The following GGN variants were observed in gnomAD, a reference collection of about 807,000 sequenced individuals.
GGN encodes the protein gametogenetin.
GGN carries 27 observed loss-of-function variants against 35.5 expected under a neutral mutation model. The ratio of observed to expected loss-of-function variants is 0.76; its 90% confidence interval spans 0.56 to 1.05. The LOEUF (loss-of-function observed/expected upper bound fraction) is 1.05. Ranked by LOEUF, GGN falls within the 50% of genes least tolerant of loss-of-function variation. GGN has a pLI of 0.00. For missense variants in GGN, 1,006 were observed against 940.7 expected, an observed-to-expected ratio of 1.07 and a Z score of -0.91; for synonymous variants, 425 against 444.1, an observed-to-expected ratio of 0.96 and a Z score of 0.54.
chr19:38,386,117 G>A lies in GGN; in HGVS notation c.1145C>T (p.Ala382Val), dbSNP rs1391791427. The change falls in exon 3 of 4, where the codon GCA becomes GTA. Residue 382 changes from alanine to valine, a missense_variant. Physicochemically the swap from Ala to Val is moderately conservative, Grantham distance 64. Coordinates refer to ENST00000334928, the MANE Select transcript of GGN (RefSeq NM_152657.4). ...GIGAPRRRAAALSGPWGSPPP... is the reference protein window; with the variant it reads ...GIGAPRRRAAVLSGPWGSPPP... ...AGGGGAGCCCCAAGGCCCAGAGAGT[G>A]CGGCCGCACGCCGTCGCGGCGCCCC... 1 of 1,582,326 alleles carries A rather than the reference G, an allele frequency of 6.3e-7. No individual in the cohort carries two copies.
At chr19:38,388,356 C>T (rs527985958), upstream of GGN, 9 of 396,994 alleles carry the variant, frequency 2.3e-5, 1 homozygote, top group Non-Finnish European at 4.0e-5. Context: ...CCAACCCCAC[C>T]CACTTGTGAA....
At chr19:38,384,681 A>C in intron 3 of GGN, 152 bp from the exon 4 acceptor site, 1 of 617,094 alleles carries the variant, frequency 1.6e-6, no homozygotes, top group Non-Finnish European at 2.9e-6. Context: ...GTGGCCACTT[A>C]ATAGGAAAGG....
In GGN at chr19:38,387,315, G is replaced by A; in HGVS notation, c.-19-35C>T. On this transcript the variant is annotated intron_variant, in intron 2 of 3. Transcript: ENST00000334928. This position sits in a 1 kb window ranked among gnomAD's most constrained non-coding sequence, Gnocchi z 5.3. Reference sequence around the variant, plus strand: ...AAAATTTACTCCAGTCAGCCTGCCAGGGCCGTGGGGACCCTACGAGGCTGG... The same window carrying A: ...AAAATTTACTCCAGTCAGCCTGCCAAGGCCGTGGGGACCCTACGAGGCTGG... The A allele has an allele frequency of 6.6e-7, 1 of 1,512,604 alleles. No individual in the cohort carries two copies. The highest frequency in any genetic ancestry group is 8.8e-7 in the Non-Finnish European group (1 of 1,133,216). The allele number at this position is 1,512,604 out of a possible 1,614,324, so 93.7% of individuals were successfully genotyped here. A position where few individuals can be genotyped will look rare whatever the true frequency, so the allele number is the denominator to read the frequency against.
chr19:38,386,726 G>C lies in GGN; in HGVS notation c.536C>G (p.Ser179Cys). 6.2e-7 allele frequency: 1 copy of C among 1,608,692 alleles called. No individual in the cohort carries two copies. ...TCTGCGGTCCGCCGGCTGCCGTTCA[G>C]AAGGTAATGGTGGTGGCGGCTTCCA... Reference protein sequence around the residue: ...ETWKPPPPLPSERQPADRRIT... With the variant: ...ETWKPPPPLPCERQPADRRIT... The change falls in exon 3 of 4, where the codon TCT becomes TGT. Residue 179 changes from serine to cysteine, a missense_variant. Physicochemically the swap from Ser to Cys is moderately radical, Grantham distance 112. Transcript: ENST00000334928.
Position 38,388,003 on chromosome 19 carries a change from T to TCTTGTTCCTCGCCCCCAGGC in GGN, c.-130_-111dup, listed in dbSNP as rs1260985387. The TCTTGTTCCTCGCCCCCAGGC allele has an allele frequency of 1.3e-5, 2 of 154,368 alleles. No individual in the cohort carries two copies. Among genetic ancestry groups the TCTTGTTCCTCGCCCCCAGGC allele is most frequent in the Non-Finnish European group, 2.9e-5 (2 of 68,508 alleles). The allele number at this position is 154,368 out of a possible 1,614,324, so 9.6% of individuals were successfully genotyped here. On this transcript the variant is annotated 5_prime_UTR_variant, in exon 1 of 4. Transcript: ENST00000334928. ...GGTCTCCCCTTGAAATACTCCGAGGTCTTGTTCCTCGCCCCCAGGCCTTCT... is the reference window on the plus strand; with the variant it reads ...GGTCTCCCCTTGAAATACTCCGAGGTCTTGTTCCTCGCCCCCAGGCCTTGTTCCTCGCCCCCAGGCCTTCT...
In GGN at chr19:38,386,587, G is replaced by GC; in HGVS notation, c.674dup (p.Glu226ArgfsTer19). 1 of 1,613,348 alleles carries GC rather than the reference G, an allele frequency of 6.2e-7. No individual in the cohort carries two copies. Among genetic ancestry groups the GC allele is most frequent in the Non-Finnish European group, 8.5e-7 (1 of 1,179,782 alleles). Reference sequence around the variant, plus strand: ...CCGCAGGCTGGGCCATTTCGCCTTCGCCCGCATGGGGAGGCGCCCCTCCGC... The same window carrying GC: ...CCGCAGGCTGGGCCATTTCGCCTTCGCCCCGCATGGGGAGGCGCCCCTCCGC... On this transcript the variant is annotated frameshift_variant, in exon 3 of 4. Transcript: ENST00000334928. LOFTEE classifies it high-confidence loss of function.
rs1970708661 is a variant in GGN at position 38,385,925 on chromosome 19, GGCGGTGTGGGCGGTGGCA to G, written c.1319_1336del (p.Leu440_Pro445del). ...GAGCGCTGGTGGCTGCAGTGTGGGC[GGCGGTGTGGGCGGTGGCA>G]GCGGTGGTAACTCCTGCAGGCCTGG... On this transcript the variant is annotated inframe_deletion, in exon 3 of 4. Transcript: ENST00000334928. 7 of 1,576,712 alleles carry G rather than the reference GGCGGTGTGGGCGGTGGCA, an allele frequency of 4.4e-6. No homozygotes were observed. Among genetic ancestry groups the G allele is most frequent in the Non-Finnish European group, 4.3e-6 (5 of 1,162,892 alleles).
At position 38,386,793 on chromosome 19, in the gene GGN, C is replaced by T; in HGVS notation, c.469G>A (p.Val157Ile). ...GGAAATTGGGATGGGGCCCTCGGGACAGTGTCCTTCACGGATAGTTGCCGG... is the reference window on the plus strand; with the variant it reads ...GGAAATTGGGATGGGGCCCTCGGGATAGTGTCCTTCACGGATAGTTGCCGG... Reference protein sequence around the residue: ...PPRQLSVKDTVPRAPSQFPPP... With the variant: ...PPRQLSVKDTIPRAPSQFPPP... The change falls in exon 3 of 4, where the codon GTC (valine) becomes ATC (isoleucine). Residue 157 changes from valine to isoleucine, a missense_variant. Coordinates refer to ENST00000334928, the MANE Select transcript of GGN (RefSeq NM_152657.4). 3.1e-6 allele frequency: 5 copies of T among 1,610,732 alleles called. No individual in the cohort carries two copies. The highest frequency in any genetic ancestry group is 4.2e-6 in the Non-Finnish European group (5 of 1,177,958).
chr19:38,387,505 A>G lies in GGN; in HGVS notation c.-19-225T>C, dbSNP rs997556451. Among the ~76,000 whole-genome samples the G allele has an allele frequency of 1.3e-5, 2 of 151,962 alleles. No individual in the cohort carries two copies. The highest frequency in any genetic ancestry group is 4.8e-5 in the African/African-American group (2 of 41,344). On this transcript the variant is annotated intron_variant, in intron 2 of 3. Coordinates refer to ENST00000334928, the MANE Select transcript of GGN (RefSeq NM_152657.4). The surrounding 1 kb of genome is among the most constrained non-coding windows in gnomAD (Gnocchi z 5.3). Reference sequence around the variant, plus strand: ...GTTAAGATACTTCACTACCAGCCCCATTATGTACTAAGGTTCCATGCCTGT... The same window carrying G: ...GTTAAGATACTTCACTACCAGCCCCGTTATGTACTAAGGTTCCATGCCTGT...
chr19:38,386,248 C>T lies in GGN; in HGVS notation c.1014G>A (p.Pro338=), dbSNP rs1970719698. ...AGCCTGGGAAGGTGGTGTAGGGTGG[C>T]GGCGGTAGGGCCCGGGCTTGGGACG... ...APASQARALP[P]PPYTTFPGSK... is the part of the protein sequence containing the mutation. The change falls in exon 3 of 4, where the codon CCG becomes CCA. Residue 338 remains proline (P), a synonymous_variant. Coordinates refer to ENST00000334928, the MANE Select transcript of GGN (RefSeq NM_152657.4). The T allele has an allele frequency of 6.2e-7, 1 of 1,609,736 alleles. No homozygotes were observed. The highest frequency in any genetic ancestry group is 8.5e-7 in the Non-Finnish European group (1 of 1,178,892).
chr19:38,384,321 G>T lies in GGN; in HGVS notation c.*91C>A. The stretch of plus-strand genomic sequence containing the variant: ...CCTGCCCTGCTGCACCCTACCCACT[G>T]CCTTGGCGAGTGATTGACAGGCTGC... On this transcript the variant is annotated 3_prime_UTR_variant, in exon 4 of 4. Coordinates refer to ENST00000334928, the MANE Select transcript of GGN (RefSeq NM_152657.4). 1.1e-6 allele frequency: 1 copy of T among 921,578 alleles called. No individual in the cohort carries two copies. The highest frequency in any genetic ancestry group is 1.8e-6 in the Non-Finnish European group (1 of 564,902). 57.1% of individuals were successfully genotyped at this position (921,578 alleles called of 1,614,324 possible). A position where few individuals can be genotyped will look rare whatever the true frequency, so the allele number is the denominator to read the frequency against.
At chr19:38,388,290 T>G (rs1970768298), upstream of GGN, 1 of 375,478 alleles carries the variant, frequency 2.7e-6, no homozygotes, top group Admixed American at 4.6e-5. Context: ...CGCCCCTTCG[T>G]GACGCACGCA....
Position 38,386,655 on chromosome 19 carries a change from G to T in GGN, c.607C>A (p.Gln203Lys), listed in dbSNP as rs752077001. The change falls in exon 3 of 4, where the codon CAG becomes AAG. Residue 203 changes from glutamine (Q) to lysine (K), a missense_variant. By Grantham distance (53) the Gln-to-Lys change is moderately conservative. Transcript: ENST00000334928. ...TGGCCCTGGTTGCGGGGCCCAGCCT[G>T]GCTTTCTGTCGGGGGTGAGGCGGGT... ...ATPASPPTESQAGPRNQGQTA... is the reference protein window; with the variant it reads ...ATPASPPTESKAGPRNQGQTA... 1.2e-6 allele frequency: 2 copies of T among 1,611,972 alleles called. No homozygotes were observed. The highest frequency in any genetic ancestry group is 1.7e-6 in the Non-Finnish European group (2 of 1,178,880).
Position 38,387,131 on chromosome 19 carries a change from GTCAGGCGCATGGCCT to G in GGN, c.116_130del (p.Gln39_Thr44delinsPro). 6.4e-7 allele frequency: 1 copy of G among 1,570,202 alleles called. No homozygotes were observed. Among genetic ancestry groups the G allele is most frequent in the Non-Finnish European group, 8.6e-7 (1 of 1,157,546 alleles). On this transcript the variant is annotated inframe_deletion, in exon 3 of 4. Coordinates refer to ENST00000334928, the MANE Select transcript of GGN (RefSeq NM_152657.4). This position sits in a 1 kb window ranked among gnomAD's most constrained non-coding sequence, Gnocchi z 5.3. ...AGGGAACCAGACACCCAGCCCACGAGTCAGGCGCATGGCCTGGGAGGTCATCTCGGGCTCCACCAG... is the reference window on the plus strand; with the variant it reads ...AGGGAACCAGACACCCAGCCCACGAGGGGAGGTCATCTCGGGCTCCACCAG...
Position 38,385,978 on chromosome 19 carries a change from G to T in GGN, c.1284C>A (p.Arg428=). The change falls in exon 3 of 4, where the codon CGC becomes CGA. Residue 428 remains arginine (R), a synonymous_variant. Coordinates refer to ENST00000334928, the MANE Select transcript of GGN (RefSeq NM_152657.4). The part of the protein sequence containing the change: ...FPAPTNGEPM[R]PGPPGLQELP... ...ACTCCTGCAGGCCTGGAGGCCCCGG[G>T]CGCATGGGCTCGCCATTGGTGGGTG... 6.2e-7 allele frequency: 1 copy of T among 1,605,982 alleles called. No individual in the cohort carries two copies. The highest frequency in any genetic ancestry group is 2.2e-5 in the East Asian group (1 of 44,598).
Position 38,386,381 on chromosome 19 carries a change from A to G in GGN, c.881T>C (p.Leu294Pro), listed in dbSNP as rs1970723245. Residue 294 changes from leucine (L) to proline (P), a missense_variant, in exon 3 of 4, where the codon CTG (leucine) becomes CCG (proline). Transcript: ENST00000334928. The part of the protein sequence containing the change: ...SYAEVLKQGP[L>P]PPGAARPLGE... Reference sequence around the variant, plus strand: ...CAAGGGGCGAGCGGCTCCAGGAGGCAGGGGCCCTTGCTTCAGGACCTCGGC... The same window carrying G: ...CAAGGGGCGAGCGGCTCCAGGAGGCGGGGGCCCTTGCTTCAGGACCTCGGC... 6.2e-7 allele frequency: 1 copy of G among 1,612,824 alleles called. No homozygotes were observed. The highest frequency in any genetic ancestry group is 1.1e-5 in the South Asian group (1 of 91,072).
rs987780192 is a variant in GGN, at chr19:38,384,297, C to G, written c.*115G>C. 4.0e-6 allele frequency: 3 copies of G among 758,222 alleles called. No homozygotes were observed. In the African/African-American group the frequency reaches 5.2e-5, roughly 13 times the overall value. 47.0% of individuals were successfully genotyped at this position (758,222 alleles called of 1,614,324 possible). A position where few individuals can be genotyped will look rare whatever the true frequency, so the allele number is the denominator to read the frequency against. On this transcript the variant is annotated 3_prime_UTR_variant, in exon 4 of 4. Transcript: ENST00000334928. ...TCCAAGATGTGCTTTAATGGCGATC[C>G]TGCCCTGCTGCACCCTACCCACTGC...
upstream of GGN, chr19:38,388,057 TCTC>T (rs1356710359): frequency 7.6e-5 from 12 of 156,960 alleles, 1 homozygote; most frequent in Middle Eastern, 5.1e-4. Context: ...TTTGGGTTGT[TCTC>T]CTTAGCCCCT....
At position 38,386,851 on chromosome 19, in the gene GGN, C is replaced by G; in HGVS notation, c.411G>C (p.Pro137=). ...GCGGCGGCTTCAGCGGGCGGAGGCT[C>G]GGAGGGTCGCCCTGGCCGCGATGGC... is the stretch of plus-strand genomic sequence containing the variant. ...EASHRGQGDP[P]SLRPLKPPPP... Residue 137 remains proline, a synonymous_variant, in exon 3 of 4, where the codon CCG becomes CCC. Transcript: ENST00000334928. 6.2e-7 allele frequency: 1 copy of G among 1,600,222 alleles called. No homozygotes were observed. Among genetic ancestry groups the G allele is most frequent in the Non-Finnish European group, 8.5e-7 (1 of 1,173,058 alleles).
Sources: allele counts gnomAD v4.1 joint callset (sites outside exome capture counted in the v4.1 genomes callset), GRCh38; gene constraint gnomAD v4.1.1; non-coding constraint Gnocchi (gnomAD v3.1); transcripts MANE v1.5; gene names NCBI Gene and HGNC (gene_info 2026-07-23, HGNC 2026-07-21).